Variants in ODF2L observed in about 807,000 individuals in gnomAD.
The protein encoded by ODF2L is outer dense fiber of sperm tails 2 like, also known as protein BCAP.
A neutral mutation model predicts 86.3 loss-of-function variants in ODF2L; 76 were observed. That is an observed-to-expected ratio of 0.88 (90% CI 0.73 to 1.07). The LOEUF (loss-of-function observed/expected upper bound fraction) is 1.07. ODF2L is among the 50% of genes least tolerant of loss of function. ODF2L has a pLI of 0.00. For missense variants in ODF2L, 748 were observed against 717.4 expected (o/e 1.04, Z -0.49); for synonymous variants, 241 against 231.3 (o/e 1.04, Z -0.38).
At chr1:86,391,676 C>T (rs561851195) in intron 1 of ODF2L, among the ~76,000 whole-genome samples, 14 of 152,208 alleles carry the variant, frequency 9.2e-5, no homozygotes, top group South Asian at 2.1e-4. Flanking sequence ...AAAATCAACG[C>T]AAGATGGATC....
chr1:86,366,166 T>C (rs546997366), intron 11 of ODF2L, among the ~76,000 whole-genome samples: 5 of 152,184 alleles, frequency 3.3e-5, no homozygotes, highest in Non-Finnish European at 4.4e-5. Flanking sequence ...TTAGTCTTTT[T>C]ATTGTCTCAT....
At chr1:86,350,915 T>C (rs892780445) in exon 18 of ODF2L, 1 of 152,198 alleles carries the variant, frequency 6.6e-6, no homozygotes, top group Non-Finnish European at 1.5e-5. Context: ...AAGTGTCTGT[T>C]CATATTCTTT....
At chr1:86,382,678 T>C (rs1371702251) in intron 6 of ODF2L, among the ~76,000 whole-genome samples, 1 of 151,848 alleles carries the variant, frequency 6.6e-6, no homozygotes, top group Non-Finnish European at 1.5e-5. Flanking sequence ...TGAAACACAA[T>C]ACAAATTTAA....
At chr1:86,372,031 C>CA (rs902994376) in intron 9 of ODF2L, among the ~76,000 whole-genome samples, 167 of 149,130 alleles carry the variant, frequency 1.1e-3, no homozygotes, top group African/African-American at 2.9e-3. Flanking sequence ...ACTAAAAATA[C>CA]AAAAAAAAAC....
At chr1:86,352,282 T>C in intron 17 of ODF2L, 3 of 1,389,728 alleles carry the variant, frequency 2.2e-6, no homozygotes, top group Admixed American at 3.3e-5. Context: ...TAATCATGAG[T>C]AATGCTAGCT....
exon 12 of ODF2L, chr1:86,360,438 C>A: frequency 6.7e-7 from 1 of 1,500,566 alleles, no homozygotes; most frequent in Non-Finnish European, 9.2e-7. Flanking sequence ...GAGTTTTATA[C>A]ATTTCAATAA....
exon 1 of ODF2L, chr1:86,396,200 G>A (rs1011212904): frequency 2.0e-5 from 3 of 152,634 alleles, no homozygotes; most frequent in Non-Finnish European, 4.4e-5. Context: ...ACAGTGGGTA[G>A]ACTAGGAAGG....
At chr1:86,349,032 TCA>T (rs1467587703), downstream of ODF2L, 4 of 651,702 alleles carry the variant, frequency 6.1e-6, no homozygotes, top group Non-Finnish European at 8.6e-6. Context: ...TTCTTAGAGC[TCA>T]CTCTTTAAAA....
intron 2 of ODF2L, chr1:86,386,148 G>C (rs1178315520): frequency 6.6e-6 from 1 of 152,228 alleles, no homozygotes; most frequent in Non-Finnish European, 1.5e-5. Flanking sequence ...CATACTGACA[G>C]TAATGGTATA....
At chr1:86,389,700 TG>T (rs1461626702) in intron 1 of ODF2L, among the ~76,000 whole-genome samples, 5 of 151,806 alleles carry the variant, frequency 3.3e-5, no homozygotes, top group Admixed American at 3.3e-4. Flanking sequence ...AGAAATGAAA[TG>T]GGAGATACTA....
chr1:86,388,774 G>C (rs1661119755), intron 1 of ODF2L, among the ~76,000 whole-genome samples: 1 of 152,102 alleles, frequency 6.6e-6, no homozygotes, highest in Non-Finnish European at 1.5e-5. Flanking sequence ...ATAAGATAAA[G>C]TCATAAAATT....
At chr1:86,349,113 CA>C, downstream of ODF2L, 1 of 233,558 alleles carries the variant, frequency 4.3e-6, no homozygotes, top group Non-Finnish European at 8.0e-6. Context: ...CATTTAGCCC[CA>C]AATTATTACA....
In ODF2L at chr1:86,382,377, G is replaced by A. The variant is rs779572730; in HGVS notation, c.508-19C>T. ...TATTTGCCTGTAACAAAGAGAAAGAGAAAACCAAAAAAATCCATATTATTT... is the reference window on the plus strand; with the variant it reads ...TATTTGCCTGTAACAAAGAGAAAGAAAAAACCAAAAAAATCCATATTATTT... On this transcript the variant is annotated intron_variant, in intron 6 of 17. Coordinates refer to ENST00000317336, the Ensembl canonical transcript of ODF2L. 18 of 1,604,310 alleles carry A rather than the reference G, an allele frequency of 1.1e-5. No homozygotes were observed. The African/African-American group carries it at 1.8e-4, about 16-fold the overall frequency.
rs751355691 is a variant in ODF2L at position 86,354,866 on chromosome 1, G to GA, written c.1519-8dup. 4,877 of 1,431,278 alleles carry GA rather than the reference G, an allele frequency of 3.4e-3. No individual in the cohort carries two copies. Among genetic ancestry groups the GA allele is most frequent in the Non-Finnish European group, 3.9e-3 (4,160 of 1,054,352 alleles). The allele number at this position is 1,431,278 out of a possible 1,614,324, so 88.7% of individuals were successfully genotyped here. On this transcript the variant is annotated splice_polypyrimidine_tract_variant and splice_region_variant and intron_variant, in intron 14 of 17. Transcript: ENST00000317336. The stretch of plus-strand genomic sequence containing the variant: ...GATTGTGATTTCCATCAACCTAAAA[G>GA]AAAAAAAAAAGTTTTCTTAGTCATT...
intron 3 of ODF2L, among the ~76,000 whole-genome samples, 196 bp from the exon 4 acceptor site, chr1:86,384,997 A>AT (rs1660847453): frequency 6.6e-6 from 1 of 151,970 alleles, no homozygotes; most frequent in Non-Finnish European, 1.5e-5. Context: ...TGAAATCAAA[A>AT]TAAGAGCTTA....
intron 11 of ODF2L, among the ~76,000 whole-genome samples, chr1:86,368,413 C>A (rs1261584608): frequency 6.6e-6 from 1 of 151,672 alleles, no homozygotes; most frequent in Non-Finnish European, 1.5e-5. Flanking sequence ...TTTGATAAAC[C>A]AAGGAGTATA....
downstream of ODF2L, chr1:86,349,104 A>G (rs1486528004): frequency 3.9e-6 from 1 of 258,022 alleles, no homozygotes; most frequent in African/African-American, 2.2e-5. Context: ...ATATACATTC[A>G]TTTAGCCCCA....
chr1:86,386,131 A>G (rs913188349), intron 2 of ODF2L: 7 of 152,466 alleles, frequency 4.6e-5, no homozygotes, highest in African/African-American at 1.7e-4. Flanking sequence ...AGCTGGACTA[A>G]GCTATCCATA....
rs1455859901 is a variant in ODF2L at position 86,356,319 on chromosome 1, G to A, written c.1518+125C>T. 12 of 655,052 alleles carry A rather than the reference G, an allele frequency of 1.8e-5. No homozygotes were observed. In the East Asian group the frequency reaches 3.2e-4, roughly 18 times the overall value. The allele number at this position is 655,052 out of a possible 1,614,324, so 40.6% of individuals were successfully genotyped here. On this transcript the variant is annotated intron_variant, in intron 14 of 17. Transcript: ENST00000317336. ...ATTATAGTATCTGCATGAAAATGATGTTTTACGAACTAAGTAGATGGGAAT... is the reference window on the plus strand; with the variant it reads ...ATTATAGTATCTGCATGAAAATGATATTTTACGAACTAAGTAGATGGGAAT...
Sources: allele counts gnomAD v4.1 joint callset (sites outside exome capture counted in the v4.1 genomes callset), GRCh38; gene constraint gnomAD v4.1.1; transcripts MANE v1.5; gene names NCBI Gene and HGNC (gene_info 2026-07-23, HGNC 2026-07-21).